SLC18A1: variants seen among roughly 807,000 people sequenced by gnomAD.
SLC18A1 encodes the protein solute carrier family 18 member A1.
Under a neutral mutation model 53.7 loss-of-function variants are expected in SLC18A1, and 69 were observed. The ratio of observed to expected loss-of-function variants is 1.28; its 90% CI spans 1.06 to 1.57. The LOEUF (loss-of-function observed/expected upper bound fraction) is 1.57, where lower values mean the gene tolerates loss of function less well. SLC18A1 is among the 40% of genes most tolerant of loss of function. The pLI is 0.00. For synonymous variants in SLC18A1, 320 were observed against 248.1 expected (o/e 1.29, Z -2.72); for missense variants, 932 against 668.1 (o/e 1.40, Z -4.35).
At chr8:20,157,021 C>A (rs569247247) in intron 10 of SLC18A1, among the ~76,000 whole-genome samples, 2 of 152,082 alleles carry the variant, frequency 1.3e-5, no homozygotes, top group African/African-American at 4.8e-5. Flanking sequence ...TCAAGAAAGG[C>A]GGGAAAACAG....
At chr8:20,167,323 T>C (rs531259520) in intron 8 of SLC18A1, among the ~76,000 whole-genome samples, 2 of 152,204 alleles carry the variant, frequency 1.3e-5, no homozygotes, top group Non-Finnish European at 2.9e-5. Context: ...AGCTTTGTTT[T>C]TTATAATGGC....
rs945716032 is a variant in SLC18A1 at position 20,145,595 on chromosome 8, C to T, written c.*168G>A. 7.1e-4 allele frequency: 317 copies of T among 449,116 alleles called. 1 individual carries two copies. The highest frequency in any genetic ancestry group is 1.0e-3 in the Non-Finnish European group (257 of 253,194). 27.8% of individuals were successfully genotyped at this position (449,116 alleles called of 1,614,324 possible). A position where few individuals can be genotyped will look rare whatever the true frequency, so the allele number is the denominator to read the frequency against. On this transcript the variant is annotated 3_prime_UTR_variant, in exon 16 of 16. Coordinates refer to ENST00000276373, the MANE Select transcript of SLC18A1 (RefSeq NM_003053.4). ...GGCATAGAGGAAGAGCTACAAGTTACACAGGTGAGAAGAGTATCAGGGACA... is the reference window on the plus strand; with the variant it reads ...GGCATAGAGGAAGAGCTACAAGTTATACAGGTGAGAAGAGTATCAGGGACA...
chr8:20,155,538 A>T (rs988952335), intron 10 of SLC18A1, among the ~76,000 whole-genome samples: 1 of 152,208 alleles, frequency 6.6e-6, no homozygotes, highest in African/African-American at 2.4e-5. Context: ...GGCATTGATC[A>T]GTCAAGATCA....
In SLC18A1 at chr8:20,164,979, C is replaced by T. The variant is rs776150821; in HGVS notation, c.920-15G>A. ...GCAGATGGACCCTGGGGAGACTGTT[C>T]TGTGAGCAGCCGTGGCTGCTTGAAG... On this transcript the variant is annotated splice_polypyrimidine_tract_variant and intron_variant, in intron 9 of 15. Transcript: ENST00000276373. 3.7e-6 allele frequency: 6 copies of T among 1,613,886 alleles called. No homozygotes were observed. The South Asian group carries it at 6.6e-5, about 18-fold the overall frequency.
chr8:20,173,086 C>G lies in SLC18A1; in HGVS notation c.674G>C (p.Arg225Thr). 11 of 1,583,014 alleles carry G rather than the reference C, an allele frequency of 6.9e-6. No homozygotes were observed. Among genetic ancestry groups the G allele is most frequent in the Non-Finnish European group, 9.4e-6 (11 of 1,165,430 alleles). The part of the protein sequence containing the change: ...LASVYTDDHE[R>T]GRAMGTALGG... ...CAGAGCAGTTCCCATGGCTCGTCCT[C>G]TCTCATGGTCATCAGTGTAGACACT... is the stretch of plus-strand genomic sequence containing the variant. The change falls in exon 6 of 16, where the codon AGA (arginine) becomes ACA (threonine). Residue 225 changes from arginine (R) to threonine (T), a missense_variant. By Grantham distance (71) the Arg-to-Thr change is moderately conservative (BLOSUM62 -1). Coordinates refer to ENST00000276373, the MANE Select transcript of SLC18A1 (RefSeq NM_003053.4).
At chr8:20,153,662 GTC>G (rs1563730157) in intron 10 of SLC18A1, among the ~76,000 whole-genome samples, 1 of 135,622 alleles carries the variant, frequency 7.4e-6, no homozygotes. Context: ...GCAAGACTCT[GTC>G]TCAAAAAAAA....
chr8:20,176,095 G>A (rs2072244692), intron 4 of SLC18A1, among the ~76,000 whole-genome samples: 2 of 152,200 alleles, frequency 1.3e-5, no homozygotes, highest in African/African-American at 4.8e-5. Flanking sequence ...CAAATCTCAT[G>A]TTGAAATTTG....
chr8:20,145,920 A>T (rs1341441432), intron 15 of SLC18A1, 44 bp from the exon 16 acceptor site: 7 of 939,162 alleles, frequency 7.5e-6, no homozygotes, highest in Middle Eastern at 3.0e-4. Context: ...CATTATTATC[A>T]TTTTTTTTTT....
At chr8:20,175,687 T>C (rs1228716105) in intron 4 of SLC18A1, 7 of 152,166 alleles carry the variant, frequency 4.6e-5, no homozygotes, top group Non-Finnish European at 7.3e-5. Flanking sequence ...TCCAGAAAAA[T>C]GTCTCCTAGG....
At chr8:20,158,725 G>A (rs553552539) in intron 10 of SLC18A1, among the ~76,000 whole-genome samples, 115 of 152,262 alleles carry the variant, frequency 7.6e-4, no homozygotes, top group African/African-American at 2.5e-3. Flanking sequence ...AGGATTATCA[G>A]TGAGGCTATT....
chr8:20,152,078 AGT>A lies in SLC18A1; in HGVS notation c.1016-1336_1016-1335del, dbSNP rs573789655. ...GGGTTGGGGAAGGCTTCTTTGGGGA[AGT>A]GACATTCAAACTGAGACCTTAATAA... is the stretch of plus-strand genomic sequence containing the variant. On this transcript the variant is annotated intron_variant, in intron 10 of 15. Transcript: ENST00000276373. Among the ~76,000 whole-genome samples, 826 of 152,360 alleles carry A rather than the reference AGT, an allele frequency of 5.4e-3. 12 individuals carry two copies. The highest frequency in any genetic ancestry group is 0.019 in the African/African-American group (782 of 41,582).
intron 1 of SLC18A1, 82 bp from the exon 2 acceptor site, chr8:20,181,169 T>C: frequency 2.2e-6 from 1 of 452,212 alleles, no homozygotes; most frequent in Non-Finnish European, 3.9e-6. Flanking sequence ...ACTGTTCACT[T>C]CTTATAAATC....
chr8:20,151,761 T>C (rs1028234570), intron 10 of SLC18A1, among the ~76,000 whole-genome samples: 13 of 152,198 alleles, frequency 8.5e-5, no homozygotes, highest in African/African-American at 3.1e-4. Context: ...CTCTGTGACT[T>C]TGGACAATTT....
At chr8:20,169,308 C>A in intron 8 of SLC18A1, among the ~76,000 whole-genome samples, 1 of 152,094 alleles carries the variant, frequency 6.6e-6, no homozygotes, top group South Asian at 2.1e-4. Context: ...CTTACACAGT[C>A]ATGGACTGGG....
At position 20,165,096 on chromosome 8, in the gene SLC18A1, C is replaced by T. The variant is rs1391309876; in HGVS notation, c.870G>A (p.Gly290=). ...PSKVSPESAK[G]TPLFMLLKDP... is the part of the protein sequence containing the mutation. Reference sequence around the variant, plus strand: ...CTTTGAGAAGCATAAAGAGGGGAGTCCCCTTGGCACTCTGAGAACATGGAT... The same window carrying T: ...CTTTGAGAAGCATAAAGAGGGGAGTTCCCTTGGCACTCTGAGAACATGGAT... The change falls in exon 9 of 16, where the codon GGG becomes GGA. Residue 290 remains glycine (G), a synonymous_variant. Coordinates refer to ENST00000276373, the MANE Select transcript of SLC18A1 (RefSeq NM_003053.4). 25 of 1,613,952 alleles carry T rather than the reference C, an allele frequency of 1.5e-5. No individual in the cohort carries two copies. Among genetic ancestry groups the T allele is most frequent in the Non-Finnish European group, 1.9e-5 (23 of 1,179,956 alleles).
intron 8 of SLC18A1, among the ~76,000 whole-genome samples, chr8:20,165,430 A>G (rs897620024): frequency 1.4e-4 from 22 of 152,134 alleles, no homozygotes; most frequent in Admixed American, 2.6e-4. Flanking sequence ...AGGGTTGGAC[A>G]ATAGATGTCT....
chr8:20,179,234 G>C lies in SLC18A1; in HGVS notation c.375C>G (p.Cys125Trp), dbSNP rs2072347914. 6.2e-7 allele frequency: 1 copy of C among 1,614,222 alleles called. No homozygotes were observed. Among genetic ancestry groups the C allele is most frequent in the East Asian group, 2.2e-5 (1 of 44,876 alleles). The change falls in exon 3 of 16, where the codon TGC becomes TGG. Residue 125 changes from cysteine (C) to tryptophan (W), a missense_variant. Transcript: ENST00000276373. ...CCTCCAAGAAACCTGTGCCTTGCAA[G>C]CAGTTGTTTTTATGAGCTGAGATGG... ...TEAISAHKNN[C>W]LQGTGFLEEE...
At chr8:20,182,802 G>T (rs2270645) in intron 1 of SLC18A1, among the ~76,000 whole-genome samples, 62,282 of 151,732 alleles carry the variant, frequency 0.41, 14,866 homozygotes, top group Non-Finnish European at 0.55. Flanking sequence ...ATATAAAGGA[G>T]GTATTTCTGA....
rs1293614062 is a variant in SLC18A1, at chr8:20,176,312, C to T, written c.548-1868G>A. Among the ~76,000 whole-genome samples, 3 of 152,314 alleles carry T rather than the reference C, an allele frequency of 2.0e-5. No homozygotes were observed. The East Asian group carries it at 5.8e-4, about 29-fold the overall frequency. On this transcript the variant is annotated intron_variant, in intron 4 of 15. Transcript: ENST00000276373. ...CTCTGCACAGCCAGCTCCCCTTCAC[C>T]TTCCACCATGAGTGGAAGCTCCCTG...
Sources: gnomAD v4.1 joint callset for allele counts (sites outside exome capture counted in the v4.1 genomes callset) on GRCh38, gnomAD v4.1.1 for gene constraint, MANE v1.5 for transcripts, NCBI Gene and HGNC (gene_info 2026-07-23, HGNC 2026-07-21) for gene names.